UTRN: variants seen among roughly 807,000 people sequenced by gnomAD.
The protein encoded by UTRN is dystrophin-related protein 1.
Under a neutral mutation model 463.9 loss-of-function variants are expected in UTRN, and 283 were observed. That is an observed-to-expected ratio of 0.61 (90% CI 0.55 to 0.67). The LOEUF is 0.67. UTRN is among the 30% of genes least tolerant of loss of function. The pLI, the probability that UTRN is intolerant of heterozygous loss-of-function variation, is 0.00. For synonymous variants in UTRN, 1,442 were observed against 1,431.5 expected (o/e 1.01, Z -0.17); for missense variants, 3,922 against 4,084.3 (o/e 0.96, Z 1.08).
At chr6:144,814,492 T>C (rs1778906603) in intron 65 of UTRN, among the ~76,000 whole-genome samples, 1 of 152,212 alleles carries the variant, frequency 6.6e-6, no homozygotes, top group Non-Finnish European at 1.5e-5. Flanking sequence ...TCTGTGAAGT[T>C]AGAAAAGCTC....
intron 64 of UTRN, among the ~76,000 whole-genome samples, chr6:144,801,465 A>G (rs1266720963): frequency 3.9e-5 from 6 of 152,162 alleles, no homozygotes; most frequent in African/African-American, 1.4e-4. Flanking sequence ...ATAGAGGAAT[A>G]TGTCTATTAT....
chr6:144,669,960 T>C (rs949450971), intron 51 of UTRN, among the ~76,000 whole-genome samples: 17 of 91,412 alleles, frequency 1.9e-4, no homozygotes, highest in African/African-American at 6.1e-4. Context: ...TTCCATGGTG[T>C]GTGTGTGTGT....
chr6:144,765,681 GATTACA>G (rs1157993853), intron 58 of UTRN, among the ~76,000 whole-genome samples: 1 of 152,130 alleles, frequency 6.6e-6, no homozygotes, highest in Non-Finnish European at 1.5e-5. Flanking sequence ...CAAATGCTGG[GATTACA>G]GACATGAGCC....
rs1014893968 is a variant in UTRN at position 144,539,419 on chromosome 6, G to A, written c.6495G>A (p.Arg2165=). The change falls in exon 45 of 75, where the codon AGG becomes AGA. Residue 2165 remains arginine (R), a synonymous_variant. Transcript: ENST00000367545. The part of the protein sequence containing the change: ...PERDKISESL[R]TVNMTWNKIC... ...GGGATAAAATTTCAGAAAGCTTAAG[G>A]ACTGTAAATATGACATGGAATAAGG... 10 of 1,610,490 alleles carry A rather than the reference G, an allele frequency of 6.2e-6. No individual in the cohort carries two copies. The African/African-American group carries it at 1.1e-4, about 17-fold the overall frequency.
At chr6:144,580,131 G>A (rs1415456918) in intron 51 of UTRN, among the ~76,000 whole-genome samples, 1 of 152,152 alleles carries the variant, frequency 6.6e-6, no homozygotes, top group East Asian at 1.9e-4. Context: ...ATAGAAACTT[G>A]TTTGGAAATG....
At chr6:144,668,249 G>T (rs1004189333) in intron 51 of UTRN, among the ~76,000 whole-genome samples, 10 of 152,148 alleles carry the variant, frequency 6.6e-5, no homozygotes, top group African/African-American at 2.4e-4. Context: ...AGGTGCAAAA[G>T]GCCCTTCCTT....
At chr6:144,717,492 C>T (rs1022988868) in intron 53 of UTRN, among the ~76,000 whole-genome samples, 5 of 152,038 alleles carry the variant, frequency 3.3e-5, no homozygotes, top group African/African-American at 1.2e-4. Flanking sequence ...ACAAAAAAAC[C>T]GCTGCATTTA....
At chr6:144,819,603 G>C (rs977923026) in intron 65 of UTRN, among the ~76,000 whole-genome samples, 1 of 152,126 alleles carries the variant, frequency 6.6e-6, no homozygotes, top group Non-Finnish European at 1.5e-5. Flanking sequence ...TGAGGCACGA[G>C]AATCGGCTGA....
intron 54 of UTRN, among the ~76,000 whole-genome samples, chr6:144,737,876 T>G (rs1264374686): frequency 2.0e-5 from 3 of 152,144 alleles, no homozygotes; most frequent in Non-Finnish European, 4.4e-5. Flanking sequence ...TTAGAAAGTA[T>G]CACAGTACAA....
At position 144,472,449 on chromosome 6, in the gene UTRN, A is replaced by G. The variant is rs150973553; in HGVS notation, c.3067-1271A>G. ...ATTCTTGGCAAGTCTTGATTTCACCAAAGTATTTGAGATAATCTCTGATAA... is the reference window on the plus strand; with the variant it reads ...ATTCTTGGCAAGTCTTGATTTCACCGAAGTATTTGAGATAATCTCTGATAA... On this transcript the variant is annotated intron_variant, in intron 23 of 74. Transcript: ENST00000367545. 4.2e-3 allele frequency among the ~76,000 whole-genome samples: 636 copies of G among 152,248 alleles called. 4 individuals are homozygous for G. The Middle Eastern group carries it at 0.075, about 18-fold the overall frequency.
At chr6:144,450,426 T>C (rs1468970676) in intron 17 of UTRN, among the ~76,000 whole-genome samples, 4 of 152,206 alleles carry the variant, frequency 2.6e-5, no homozygotes, top group Non-Finnish European at 4.4e-5. Flanking sequence ...TTCTCTGCTT[T>C]CCCTTGGCAA....
chr6:144,785,078 A>C (rs771891923), intron 61 of UTRN, among the ~76,000 whole-genome samples: 31 of 151,462 alleles, frequency 2.0e-4, no homozygotes, highest in Non-Finnish European at 4.1e-4. Context: ...AATAATAGTT[A>C]TTAACTCTTT....
At chr6:144,668,475 T>A (rs1780654643) in intron 51 of UTRN, among the ~76,000 whole-genome samples, 1 of 152,236 alleles carries the variant, frequency 6.6e-6, no homozygotes, top group South Asian at 2.1e-4. Context: ...AGTGAGGCTG[T>A]CTTAGTCAGT....
intron 2 of UTRN, among the ~76,000 whole-genome samples, chr6:144,322,836 G>T (rs551099935): frequency 1.3e-5 from 2 of 152,042 alleles, no homozygotes; most frequent in Non-Finnish European, 2.9e-5. Flanking sequence ...CCAGCTACTC[G>T]GGAGGCTGAG....
intron 58 of UTRN, among the ~76,000 whole-genome samples, chr6:144,768,948 G>GTTTT (rs35525101): frequency 1.6e-5 from 2 of 126,032 alleles, no homozygotes; most frequent in East Asian, 2.3e-4. Context: ...TTTGTTTTTT[G>GTTTT]TTTTGTTTTG....
intron 46 of UTRN, among the ~76,000 whole-genome samples, chr6:144,544,745 A>G (rs1010623101): frequency 6.6e-6 from 1 of 152,144 alleles, no homozygotes; most frequent in African/African-American, 2.4e-5. Flanking sequence ...GAATCCATCA[A>G]GCTACCTGCG....
intron 53 of UTRN, among the ~76,000 whole-genome samples, chr6:144,727,030 G>C (rs890105381): frequency 6.6e-6 from 1 of 152,048 alleles, no homozygotes; most frequent in Admixed American, 6.5e-5. Flanking sequence ...CACATTTTGT[G>C]GACTATTAAT....
At chr6:144,582,949 C>T (rs1469674954) in intron 51 of UTRN, among the ~76,000 whole-genome samples, 1 of 152,148 alleles carries the variant, frequency 6.6e-6, no homozygotes, top group Non-Finnish European at 1.5e-5. Flanking sequence ...ACAGGGTCTC[C>T]TGTTCACTAA....
intron 43 of UTRN, among the ~76,000 whole-genome samples, chr6:144,533,798 C>G (rs1404704241): frequency 6.6e-6 from 1 of 151,756 alleles, no homozygotes; most frequent in African/African-American, 2.4e-5. Flanking sequence ...ATTTGGGCAT[C>G]TTCCAGTTGC....
Sources: allele counts gnomAD v4.1 joint callset (sites outside exome capture counted in the v4.1 genomes callset), GRCh38; gene constraint gnomAD v4.1.1; transcripts MANE v1.5; gene names NCBI Gene and HGNC (gene_info 2026-07-23, HGNC 2026-07-21).